The following WWOX variants were observed in gnomAD, a reference collection of about 807,000 sequenced individuals.
The protein encoded by WWOX is WW domain-containing oxidoreductase.
WWOX carries 69 observed loss-of-function variants against 46.2 expected under a neutral mutation model. That is an observed-to-expected ratio of 1.49 (90% CI 1.23 to 1.82). The LOEUF (loss-of-function observed/expected upper bound fraction) is 1.82. Ranked by LOEUF, WWOX falls within the 40% of genes most tolerant of loss-of-function variation. WWOX has a pLI of 0.00. For synonymous variants in WWOX, 359 were observed against 202.6 expected (o/e 1.77, Z -6.56); for missense variants, 919 against 542.6 (o/e 1.69, Z -6.89).
intron 5 of WWOX, among the ~76,000 whole-genome samples, chr16:78,334,393 A>G (rs1375507004): frequency 6.6e-6 from 1 of 152,212 alleles, no homozygotes; most frequent in Non-Finnish European, 1.5e-5. Flanking sequence ...ACAGAATATA[A>G]CAACAGCGAA....
chr16:78,835,056 G>C (rs76929416), intron 8 of WWOX, among the ~76,000 whole-genome samples: 1 of 152,094 alleles, frequency 6.6e-6, no homozygotes, highest in Non-Finnish European at 1.5e-5. Context: ...GAGGGCGTTA[G>C]TGTGCCCATT....
At chr16:78,350,456 A>G (rs2081163930) in intron 5 of WWOX, among the ~76,000 whole-genome samples, 1 of 117,462 alleles carries the variant, frequency 8.5e-6, no homozygotes. Context: ...TTTTCTCTCC[A>G]CTCCCAACCT....
chr16:78,782,923 C>G (rs1235938612), intron 8 of WWOX, among the ~76,000 whole-genome samples: 3 of 152,152 alleles, frequency 2.0e-5, no homozygotes, highest in Non-Finnish European at 2.9e-5. Flanking sequence ...TACAAAGGCT[C>G]TTTTGACTTA....
chr16:78,287,587 T>A (rs2079790371), intron 5 of WWOX, among the ~76,000 whole-genome samples: 2 of 152,178 alleles, frequency 1.3e-5, no homozygotes, highest in Admixed American at 1.3e-4. Flanking sequence ...TTTCTTTGTG[T>A]CTAAAGCAGT....
At position 79,045,780 on chromosome 16, in the gene WWOX, C is replaced by CTTTTTTTTTTTTTTTTTTTTTTTT. The variant is rs770463813; in HGVS notation, c.1057-165812_1057-165789dup. On this transcript the variant is annotated intron_variant, in intron 8 of 8. Transcript: ENST00000566780. ...AGCTCGTCTTTCCTTTTTTCTTTTC[C>CTTTTTTTTTTTTTTTTTTTTTTTT]TTTTTTTTTTTTTTTTTTTTTTTTT... 3.7e-5 allele frequency among the ~76,000 whole-genome samples: 2 copies of CTTTTTTTTTTTTTTTTTTTTTTTT among 54,232 alleles called. 1 individual carries two copies. The highest frequency in any genetic ancestry group is 7.9e-5 in the Non-Finnish European group (2 of 25,356). 35.6% of individuals were successfully genotyped at this position (54,232 alleles called of 152,430 possible). A position where few individuals can be genotyped will look rare whatever the true frequency, so the allele number is the denominator to read the frequency against.
chr16:78,493,622 C>G (rs1201632703), intron 8 of WWOX, among the ~76,000 whole-genome samples: 2 of 152,094 alleles, frequency 1.3e-5, no homozygotes, highest in African/African-American at 4.8e-5. Flanking sequence ...AAATAATGAG[C>G]TAATATGTAT....
chr16:78,560,654 AATG>A (rs1355143240), intron 8 of WWOX, among the ~76,000 whole-genome samples: 2 of 151,792 alleles, frequency 1.3e-5, no homozygotes, highest in African/African-American at 4.9e-5. Flanking sequence ...CAAAAAAATT[AATG>A]ATAATAATGT....
At chr16:79,156,344 A>G (rs2050381366) in intron 8 of WWOX, among the ~76,000 whole-genome samples, 1 of 152,188 alleles carries the variant, frequency 6.6e-6, no homozygotes, top group African/African-American at 2.4e-5. Context: ...TGCATTTTGT[A>G]GAGATGGGGT....
At chr16:78,566,450 C>T (rs2738528) in intron 8 of WWOX, among the ~76,000 whole-genome samples, 46 of 152,208 alleles carry the variant, frequency 3.0e-4, no homozygotes, top group Non-Finnish European at 6.2e-4. Context: ...CCAAGTTTTG[C>T]TGCCTTGGGC....
rs998219778 is a variant in WWOX at position 78,106,411 on chromosome 16, G to GTTTTTTTTTTT, written c.108-2003_108-2002insTTTTTTTTTTT. Among the ~76,000 whole-genome samples, 4 of 123,684 alleles carry GTTTTTTTTTTT rather than the reference G, an allele frequency of 3.2e-5. 1 individual carries two copies. The highest frequency in any genetic ancestry group is 3.4e-5 in the Non-Finnish European group (2 of 59,048). 81.1% of individuals were successfully genotyped at this position (123,684 alleles called of 152,430 possible). Reference sequence around the variant, plus strand: ...ACTAGAGAGCCAGAGAGTCAGAACGGTTTTTTTTTGTTTTTTTTTTTTTTT... The same window carrying GTTTTTTTTTTT: ...ACTAGAGAGCCAGAGAGTCAGAACGGTTTTTTTTTTTTTTTTTTTTGTTTTTTTTTTTTTTT... On this transcript the variant is annotated intron_variant, in intron 1 of 8. Coordinates refer to ENST00000566780, the MANE Select transcript of WWOX (RefSeq NM_016373.4).
At chr16:78,897,674 T>A (rs2151237113) in intron 8 of WWOX, 1 of 152,322 alleles carries the variant, frequency 6.6e-6, no homozygotes, top group East Asian at 1.9e-4. Context: ...CCTTATGTTT[T>A]TATGTATTTT....
intron 8 of WWOX, among the ~76,000 whole-genome samples, chr16:79,137,458 T>C (rs568148748): frequency 4.5e-4 from 69 of 152,332 alleles, no homozygotes; most frequent in Admixed American, 1.4e-3. Context: ...TGTTCTAAAA[T>C]GTCAGAAAGT....
intron 8 of WWOX, among the ~76,000 whole-genome samples, chr16:78,943,847 A>G (rs977825729): frequency 1.6e-4 from 24 of 152,152 alleles, no homozygotes; most frequent in Admixed American, 1.5e-3. Flanking sequence ...ATGTCCCGAA[A>G]GAGCACAGCT....
chr16:79,059,399 G>C lies in WWOX; in HGVS notation c.1057-152209G>C, dbSNP rs377724373. Among the ~76,000 whole-genome samples the C allele has an allele frequency of 2.6e-5, 4 of 152,212 alleles. No individual in the cohort carries two copies. The East Asian group carries it at 5.8e-4, about 22-fold the overall frequency. ...AGCTCACCAATATGGGTGTGATCTT[G>C]ACATTGAGATGTAGAGCTTGACACC... On this transcript the variant is annotated intron_variant, in intron 8 of 8. Transcript: ENST00000566780.
rs188143014 is a variant in WWOX at position 78,699,898 on chromosome 16, A to C, written c.1056+267146A>C. On this transcript the variant is annotated intron_variant, in intron 8 of 8. Transcript: ENST00000566780. ...ATAATGGTTTTTCATGGAGACTGGC[A>C]TTGTCCCGTCCCTATGAGGGGGACA... Among the ~76,000 whole-genome samples the C allele has an allele frequency of 1.2e-4, 18 of 152,180 alleles. 1 individual carries two copies. The highest frequency in any genetic ancestry group is 3.9e-4 in the African/African-American group (16 of 41,538).
At chr16:78,894,410 C>G (rs561271004) in intron 8 of WWOX, among the ~76,000 whole-genome samples, 2 of 152,108 alleles carry the variant, frequency 1.3e-5, no homozygotes, top group African/African-American at 2.4e-5. Context: ...TTCAGTGATG[C>G]TTAAGCATGT....
intron 8 of WWOX, among the ~76,000 whole-genome samples, chr16:78,478,981 T>C (rs2084422060): frequency 6.6e-6 from 1 of 152,192 alleles, no homozygotes; most frequent in Non-Finnish European, 1.5e-5. Context: ...TAGAAGTTGA[T>C]AATCTGTATT....
intron 8 of WWOX, among the ~76,000 whole-genome samples, chr16:78,909,988 T>G (rs1018865927): frequency 7.0e-4 from 106 of 152,252 alleles, no homozygotes; most frequent in Admixed American, 1.8e-3. Context: ...ACCTATATTT[T>G]GATTTAAGAT....
At chr16:78,263,691 G>A (rs532892220) in intron 5 of WWOX, among the ~76,000 whole-genome samples, 5 of 152,202 alleles carry the variant, frequency 3.3e-5, no homozygotes, top group African/African-American at 1.2e-4. Flanking sequence ...AATGTAGATC[G>A]TAATTTTTAG....
Sources: allele counts gnomAD v4.1 joint callset (sites outside exome capture counted in the v4.1 genomes callset), GRCh38; gene constraint gnomAD v4.1.1; transcripts MANE v1.5; gene names NCBI Gene and HGNC (gene_info 2026-07-23, HGNC 2026-07-21).